The following SLC18A2 variants were observed in gnomAD, a reference collection of about 807,000 sequenced individuals.
SLC18A2 encodes solute carrier family 18 member A2, also known as synaptic vesicular amine transporter.
Under a neutral mutation model 59.2 loss-of-function variants are expected in SLC18A2, and 33 were observed. The ratio of observed to expected loss-of-function variants is 0.56; its 90% CI spans 0.42 to 0.75. SLC18A2 has a LOEUF of 0.75. SLC18A2 is among the 30% of genes least tolerant of loss of function. The pLI, the probability that SLC18A2 is intolerant of heterozygous loss-of-function variation, is 0.00. For missense variants in SLC18A2, 569 were observed against 668.6 expected, an observed-to-expected ratio of 0.85 and a Z score of 1.64; for synonymous variants, 228 against 253.5, an observed-to-expected ratio of 0.90 and a Z score of 0.95.
intron 15 of SLC18A2, among the ~76,000 whole-genome samples, chr10:117,273,635 T>C (rs1249912624): frequency 2.0e-5 from 3 of 152,234 alleles, no homozygotes; most frequent in Non-Finnish European, 4.4e-5. Flanking sequence ...AAGTTGTTTA[T>C]AGAATTTGTC....
At position 117,241,733 on chromosome 10, in the gene SLC18A2, G is replaced by A. The variant is rs1309687080; in HGVS notation, c.40G>A (p.Glu14Lys). 4 of 1,607,886 alleles carry A rather than the reference G, an allele frequency of 2.5e-6. No homozygotes were observed. The highest frequency in any genetic ancestry group is 2.2e-5 in the East Asian group (1 of 44,488). ...SELALVRWLQ[E>K]SRRSRKLILF... ...GCTGGCGCTGGTCCGCTGGCTGCAG[G>A]AGAGCCGCCGCTCGCGGAAGCTCAT... Residue 14 changes from glutamate to lysine, a missense_variant, in exon 2 of 16, where the codon GAG becomes AAG. Transcript: ENST00000644641.
chr10:117,269,419 T>C lies in SLC18A2; in HGVS notation c.1187-652T>C, dbSNP rs1423209753. 6.6e-6 allele frequency among the ~76,000 whole-genome samples: 1 copy of C among 152,010 alleles called. No homozygotes were observed. The highest frequency in any genetic ancestry group is 1.5e-5 in the Non-Finnish European group (1 of 68,002). ...ACATACATACTCATAAATACACACA[T>C]ATACATACAGACATACACCCCAGCA... On this transcript the variant is annotated intron_variant, in intron 13 of 15. Coordinates refer to ENST00000644641, the MANE Select transcript of SLC18A2 (RefSeq NM_003054.6). The surrounding 1 kb of genome is among the most constrained non-coding windows in gnomAD (Gnocchi z 5.1).
At chr10:117,250,625 G>A (rs1231181209) in intron 3 of SLC18A2, among the ~76,000 whole-genome samples, 2 of 152,212 alleles carry the variant, frequency 1.3e-5, no homozygotes, top group African/African-American at 4.8e-5. Flanking sequence ...TCCCCACCCA[G>A]GTGCACATCA....
At chr10:117,250,442 G>A (rs17543336) in intron 3 of SLC18A2, among the ~76,000 whole-genome samples, 2,368 of 152,242 alleles carry the variant, frequency 0.016, 29 homozygotes, top group South Asian at 0.029. Flanking sequence ...TGTGATATTC[G>A]TTTATTCCAT....
intron 10 of SLC18A2, among the ~76,000 whole-genome samples, chr10:117,261,385 G>T (rs112047572): frequency 1.2e-4 from 18 of 152,242 alleles, no homozygotes; most frequent in Non-Finnish European, 2.6e-4. Context: ...TTGGCTGACC[G>T]CAATCTCTGC....
intron 10 of SLC18A2, among the ~76,000 whole-genome samples, chr10:117,260,895 T>C (rs540515490): frequency 6.6e-6 from 1 of 152,334 alleles, no homozygotes; most frequent in South Asian, 2.1e-4. Context: ...CTTTCTGCTG[T>C]TGTAGGAGAG....
At chr10:117,253,931 G>C in intron 4 of SLC18A2, 117 bp from the exon 5 acceptor site, 1 of 869,562 alleles carries the variant, frequency 1.2e-6, no homozygotes, top group Non-Finnish European at 1.9e-6. Flanking sequence ...CAAAAGCACA[G>C]GGTGGCTAAC....
chr10:117,258,032 T>C (rs893462818), intron 10 of SLC18A2, 140 bp downstream of exon 10: 1 of 575,512 alleles, frequency 1.7e-6, no homozygotes, highest in Non-Finnish European at 3.0e-6. Flanking sequence ...GGGTCATTGC[T>C]TAGGGCAGCC....
chr10:117,277,415 T>C lies in SLC18A2; in HGVS notation c.*149T>C. 2.1e-6 allele frequency: 1 copy of C among 485,712 alleles called. No homozygotes were observed. The highest frequency in any genetic ancestry group is 3.6e-6 in the Non-Finnish European group (1 of 277,622). 30.1% of individuals were successfully genotyped at this position (485,712 alleles called of 1,614,324 possible). ...TATTATTTCCTTTCCATGGTTATGG[T>C]CGATTGCCAACAGCCTTATAAAGAA... On this transcript the variant is annotated 3_prime_UTR_variant, in exon 16 of 16. Transcript: ENST00000644641.
chr10:117,261,120 G>A (rs1223578924), intron 10 of SLC18A2, among the ~76,000 whole-genome samples: 1 of 152,156 alleles, frequency 6.6e-6, no homozygotes, highest in Non-Finnish European at 1.5e-5. Context: ...CACTTTGGGA[G>A]GCCGAGGCAG....
chr10:117,250,019 G>A (rs1049464562), intron 3 of SLC18A2, among the ~76,000 whole-genome samples: 6 of 152,146 alleles, frequency 3.9e-5, no homozygotes, highest in African/African-American at 1.4e-4. Flanking sequence ...TTGAGTTTCT[G>A]TCTGTTTAGG....
chr10:117,257,951 T>A (rs1565005052), intron 10 of SLC18A2, 59 bp downstream of exon 10: 14 of 1,230,354 alleles, frequency 1.1e-5, no homozygotes, highest in Non-Finnish European at 1.6e-5. Context: ...GCAGCCTTTG[T>A]CCCCAGGGCA....
intron 3 of SLC18A2, among the ~76,000 whole-genome samples, chr10:117,251,868 G>A (rs1844165419): frequency 6.6e-6 from 1 of 152,048 alleles, no homozygotes; most frequent in African/African-American, 2.4e-5. Flanking sequence ...GGTGAAATAG[G>A]GCCCTTATTA....
Position 117,277,332 on chromosome 10 carries a change from C to A in SLC18A2, c.*66C>A. The A allele has an allele frequency of 2.1e-6, 2 of 964,716 alleles. No individual in the cohort carries two copies. The highest frequency in any genetic ancestry group is 3.2e-6 in the Non-Finnish European group (2 of 622,508). The allele number at this position is 964,716 out of a possible 1,614,324, so 59.8% of individuals were successfully genotyped here. ...AAACAGTGTTTCCAGTGACACAACTCATCCAGAACTGTCTTAGTCATACCA... is the reference window on the plus strand; with the variant it reads ...AAACAGTGTTTCCAGTGACACAACTAATCCAGAACTGTCTTAGTCATACCA... On this transcript the variant is annotated 3_prime_UTR_variant, in exon 16 of 16. Coordinates refer to ENST00000644641, the MANE Select transcript of SLC18A2 (RefSeq NM_003054.6).
At chr10:117,267,366 A>C (rs182442532) in intron 12 of SLC18A2, 1 of 445,242 alleles carries the variant, frequency 2.2e-6, no homozygotes, top group Non-Finnish European at 4.0e-6. Flanking sequence ...AATCTCTTCT[A>C]CCAATGGCCA....
intron 10 of SLC18A2, among the ~76,000 whole-genome samples, chr10:117,261,420 T>G (rs1164932725): frequency 2.0e-5 from 3 of 152,086 alleles, no homozygotes; most frequent in Non-Finnish European, 4.4e-5. Context: ...CAATTCTCCC[T>G]TTTTCTTTAA....
rs1320176716 is a variant in SLC18A2 at position 117,263,891 on chromosome 10, C to A, written c.992-2842C>A. Among the ~76,000 whole-genome samples, 3 of 151,866 alleles carry A rather than the reference C, an allele frequency of 2.0e-5. No individual in the cohort carries two copies. The East Asian group carries it at 5.8e-4, about 29-fold the overall frequency. Reference sequence around the variant, plus strand: ...CTGTACCAGAAGACAAGAGGGACTGCCAGCCTTCTGTGGCTCTGGGGTGCG... The same window carrying A: ...CTGTACCAGAAGACAAGAGGGACTGACAGCCTTCTGTGGCTCTGGGGTGCG... On this transcript the variant is annotated intron_variant, in intron 10 of 15. Coordinates refer to ENST00000644641, the MANE Select transcript of SLC18A2 (RefSeq NM_003054.6).
At chr10:117,258,293 A>T (rs1844252866) in intron 10 of SLC18A2, among the ~76,000 whole-genome samples, 1 of 152,244 alleles carries the variant, frequency 6.6e-6, no homozygotes, top group African/African-American at 2.4e-5. Context: ...TAACAAAATC[A>T]AAGTGTGCTG....
At chr10:117,251,987 C>G (rs1013646109) in intron 3 of SLC18A2, among the ~76,000 whole-genome samples, 6 of 152,094 alleles carry the variant, frequency 3.9e-5, no homozygotes, top group Non-Finnish European at 5.9e-5. Flanking sequence ...GAGACAGAAT[C>G]TCGCTCTGTC....
Sources: gnomAD v4.1 joint callset for allele counts (sites outside exome capture counted in the v4.1 genomes callset) on GRCh38, gnomAD v4.1.1 for gene constraint, Gnocchi (gnomAD v3.1) non-coding constraint, MANE v1.5 for transcripts, NCBI Gene and HGNC (gene_info 2026-07-23, HGNC 2026-07-21) for gene names.